The following FLNA variants were observed in gnomAD, a reference collection of about 807,000 sequenced individuals.
FLNA encodes the protein filamin A.
A neutral mutation model predicts 157.6 loss-of-function variants in FLNA; 7 were observed. The observed-to-expected ratio is 0.04, with a 90% confidence interval of 0.03 to 0.08. The LOEUF is 0.08. FLNA is among the 10% of genes least tolerant of loss of function. The pLI is 1.00. For missense variants in FLNA, 1,750 were observed against 2,398.4 expected (o/e 0.73, Z 5.65); for synonymous variants, 1,103 against 1,060.8 (o/e 1.04, Z -0.77).
In FLNA at chrX:154,367,440, C is replaced by T. The variant is rs1557179545; in HGVS notation, c.825G>A (p.Leu275=). Residue 275 remains leucine, a synonymous_variant, in exon 5 of 48, where the codon TTG becomes TTA. Coordinates refer to ENST00000369850, the MANE Select transcript of FLNA (RefSeq NM_001110556.2). ...PKAKLKPGAP[L]RPKLNPKKAR... ...CTTTCTTCGGGTTCAGTTTGGGCCG[C>T]AAGGGAGCCCCTGGCTTCAGCTTGG... The T allele has an allele frequency of 2.5e-6, 3 of 1,211,678 alleles. No homozygotes were observed. The East Asian group carries it at 8.9e-5, about 36-fold the overall frequency.
Position 154,360,431 on chromosome X carries a change from A to G in FLNA, c.3364T>C (p.Cys1122Arg). The G allele has an allele frequency of 1.7e-6, 2 of 1,211,574 alleles. No homozygotes were observed. The highest frequency in any genetic ancestry group is 1.7e-5 in the African/African-American group (1 of 58,010). ...LECLDNGDGT[C>R]SVSYVPTEPG... is the part of the protein sequence containing the mutation. ...TCGGTGGGCACGTAGGACACGGAAC[A>G]TGTGCCATCCCCATTGTCCAAGCAC... is the stretch of plus-strand genomic sequence containing the variant. Residue 1122 changes from cysteine (C) to arginine (R), a missense_variant, in exon 22 of 48, where the codon TGT becomes CGT. This residue lies in a region of FLNA where 648 missense variants were observed against 805.8 expected (regional missense o/e 0.80). Coordinates refer to ENST00000369850, the MANE Select transcript of FLNA (RefSeq NM_001110556.2).
At chrX:154,372,323 C>A (rs2148123157) in intron 1 of FLNA, among the ~76,000 whole-genome samples, 1 of 113,069 alleles carries the variant, frequency 8.8e-6, no homozygotes, top group South Asian at 3.6e-4. Context: ...CTCAGCCCAG[C>A]GTGGCCAGGG....
In FLNA at chrX:154,360,384, G is replaced by A; in HGVS notation, c.3411C>T (p.Asn1137=). ...VPTEPGDYNI[N]ILFADTHIPG... ...GGATGTGGGTGTCAGCGAAGAGGAT[G>A]TTGATGTTGTAGTCCCCGGGCTCGG... Residue 1137 remains asparagine, a synonymous_variant, in exon 22 of 48, where the codon AAC becomes AAT. Transcript: ENST00000369850. The A allele has an allele frequency of 8.3e-7, 1 of 1,211,612 alleles. No homozygotes were observed. The highest frequency in any genetic ancestry group is 1.1e-6 in the Non-Finnish European group (1 of 895,563).
chrX:154,367,298 T>C, intron 5 of FLNA, 99 bp downstream of exon 5: 1 of 978,836 alleles, frequency 1.0e-6, no homozygotes, highest in Non-Finnish European at 1.4e-6. Flanking sequence ...CTAGCCGCCA[T>C]GTAACCCAAG....
Position 154,352,631 on chromosome X carries a change from C to G in FLNA, c.6424G>C (p.Glu2142Gln), listed in dbSNP as rs1557176010. 1 of 1,211,677 alleles carries G rather than the reference C, an allele frequency of 8.3e-7. No homozygotes were observed. Among genetic ancestry groups the G allele is most frequent in the East Asian group, 3.0e-5 (1 of 33,862 alleles). The change falls in exon 40 of 48, where the codon GAG (glutamate) becomes CAG (glutamine). Residue 2142 changes from glutamate to glutamine, a missense_variant. Physicochemically the swap from Glu to Gln is conservative, Grantham distance 29. Coordinates refer to ENST00000369850, the MANE Select transcript of FLNA (RefSeq NM_001110556.2). ...VKVTGEGRVK[E>Q]SITRRRRAPS... ...GCCCGACGCCTGCGGGTGATGCTCT[C>G]TTTCACCCGGCCCTCGCCTGTCACC...
In FLNA at chrX:154,351,942, G is replaced by A; in HGVS notation, c.6849C>T (p.Ile2283=). ...IAVEGPSKAE[I]SFEDRKDGSC... ...AGCCGTCCTTGCGGTCCTCAAAAGA[G>A]ATCTCAGCCTTGCTGGGGCCCTCGA... Residue 2283 remains isoleucine (I), a synonymous_variant, in exon 42 of 48, where the codon ATC becomes ATT. Transcript: ENST00000369850. The A allele has an allele frequency of 8.3e-7, 1 of 1,211,748 alleles. No individual in the cohort carries two copies. The highest frequency in any genetic ancestry group is 1.1e-6 in the Non-Finnish European group (1 of 895,473).
intron 44 of FLNA, chrX:154,350,701 G>T: frequency 2.2e-6 from 1 of 455,358 alleles, no homozygotes; most frequent in East Asian, 3.7e-5. Flanking sequence ...GCATGGTACT[G>T]CAGGGTAGAA....
At position 154,366,726 on chromosome X, in the gene FLNA, C is replaced by T. The variant is rs782094174; in HGVS notation, c.987+6G>A. On this transcript the variant is annotated splice_donor_region_variant and intron_variant, in intron 6 of 47. Transcript: ENST00000369850. Reference sequence around the variant, plus strand: ...CGGGGCCTCTGCTGCCAGCAGCTGGCCCTACCTCCTCCTGGTGTCCGGCCG... The same window carrying T: ...CGGGGCCTCTGCTGCCAGCAGCTGGTCCTACCTCCTCCTGGTGTCCGGCCG... 8.3e-7 allele frequency: 1 copy of T among 1,204,057 alleles called. No homozygotes were observed. Among genetic ancestry groups the T allele is most frequent in the African/African-American group, 1.7e-5 (1 of 57,387 alleles).
chrX:154,358,299 C>A lies in FLNA; in HGVS notation c.4655G>T (p.Gly1552Val). 1 of 1,211,274 alleles carries A rather than the reference C, an allele frequency of 8.3e-7. No individual in the cohort carries two copies. ...THDASKVKAS[G>V]PGLNTTGVPA... ...CACGCCAGTGGTGTTGAGCCCGGGGCCACTGGCCTTCACCTTGCTGGCATC... is the reference window on the plus strand; with the variant it reads ...CACGCCAGTGGTGTTGAGCCCGGGGACACTGGCCTTCACCTTGCTGGCATC... Residue 1552 changes from glycine (G) to valine (V), a missense_variant, in exon 28 of 48, where the codon GGC (glycine) becomes GTC (valine). By Grantham distance (109) the Gly-to-Val change is moderately radical (BLOSUM62 -3). Around this residue, in one of 5 missense-constraint regions of FLNA, gnomAD observed 970 missense variants for 1,302.6 expected, o/e 0.74. Coordinates refer to ENST00000369850, the MANE Select transcript of FLNA (RefSeq NM_001110556.2).
At chrX:154,373,796 C>T (rs1557180849) in intron 1 of FLNA, among the ~76,000 whole-genome samples, 1 of 113,422 alleles carries the variant, frequency 8.8e-6, no homozygotes, top group African/African-American at 3.2e-5. Context: ...TCCCAAGCTC[C>T]CACCTTGACG....
chrX:154,355,527 G>A (rs183977953), intron 30 of FLNA, among the ~76,000 whole-genome samples: 4 of 113,574 alleles, frequency 3.5e-5, no homozygotes, highest in Admixed American at 9.2e-5. Flanking sequence ...GTGGGGGGAT[G>A]TGACACTTGC....
intron 30 of FLNA, among the ~76,000 whole-genome samples, chrX:154,355,492 C>A (rs868947138): frequency 2.6e-5 from 3 of 113,380 alleles, no homozygotes; most frequent in Non-Finnish European, 5.6e-5. Flanking sequence ...TGTGTGGACG[C>A]GGTGAGGCGG....
At chrX:154,370,397 A>G (rs958214606) in intron 2 of FLNA, among the ~76,000 whole-genome samples, 2 of 112,056 alleles carry the variant, frequency 1.8e-5, no homozygotes, top group African/African-American at 6.5e-5. Context: ...AGGGACACAA[A>G]GAGCCCAGAG....
intron 2 of FLNA, 120 bp downstream of exon 2, chrX:154,370,753 A>AG: frequency 1.3e-6 from 1 of 777,417 alleles, no homozygotes; most frequent in South Asian, 2.5e-5. Context: ...GAGCAGCCGG[A>AG]GGCCTCGGGA....
chrX:154,364,492 G>A (rs2067739986), intron 13 of FLNA, 34 bp downstream of exon 13: 1 of 1,203,156 alleles, frequency 8.3e-7, no homozygotes, highest in Non-Finnish European at 1.1e-6. Flanking sequence ...GGAGCAGCAG[G>A]GCGAGACTTA....
chrX:154,351,836 C>T (rs782385374), intron 42 of FLNA, 48 bp downstream of exon 42: 88 of 1,200,828 alleles, frequency 7.3e-5, no homozygotes, highest in Non-Finnish European at 1.0e-5. Flanking sequence ...GGGTCCAATA[C>T]CCACACTCAG....
intron 21 of FLNA, among the ~76,000 whole-genome samples, chrX:154,361,090 AAAAAAAAAG>A (rs2067706324): frequency 1.9e-5 from 2 of 103,050 alleles, no homozygotes; most frequent in African/African-American, 7.1e-5. Flanking sequence ...GAAAGAAAAA[AAAAAAAAAG>A]AAATTCTTCA....
chrX:154,361,367 C>T lies in FLNA; in HGVS notation c.3148G>A (p.Val1050Met), dbSNP rs1057524317. The T allele has an allele frequency of 3.3e-6, 4 of 1,210,105 alleles. No individual in the cohort carries two copies. Among genetic ancestry groups the T allele is most frequent in the Admixed American group, 4.4e-5 (2 of 45,916 alleles). Reference sequence around the variant, plus strand: ...GGAAAGGGGCTGCCAGGCACGGGCACGCCGTCATAGGTCACCTCCACCTCA... The same window carrying T: ...GGAAAGGGGCTGCCAGGCACGGGCATGCCGTCATAGGTCACCTCCACCTCA... ...PYEVEVTYDG[V>M]PVPGSPFPLE... The change falls in exon 21 of 48, where the codon GTG becomes ATG. Residue 1050 changes from valine (V) to methionine (M), a missense_variant. Coordinates refer to ENST00000369850, the MANE Select transcript of FLNA (RefSeq NM_001110556.2).
chrX:154,350,580 G>T (rs1168571000), intron 44 of FLNA: 1 of 383,113 alleles, frequency 2.6e-6, no homozygotes, highest in Admixed American at 4.3e-5. Flanking sequence ...GAAGCCCACT[G>T]GGCTCCTCCT....
Sources: gnomAD v4.1 joint callset for allele counts (sites outside exome capture counted in the v4.1 genomes callset) on GRCh38, gnomAD v4.1.1 for gene constraint, gnomAD v4.1.1 regional missense constraint, MANE v1.5 for transcripts, NCBI Gene and HGNC (gene_info 2026-07-23, HGNC 2026-07-21) for gene names.